Variants in PPFIA2 observed in about 807,000 individuals in gnomAD.
PPFIA2 encodes the protein liprin-alpha-2.
A neutral mutation model predicts 175.5 loss-of-function variants in PPFIA2; 46 were observed. That is an observed-to-expected ratio of 0.26 (90% CI 0.21 to 0.34). The LOEUF is 0.34. Ranked by LOEUF, PPFIA2 falls within the 10% of genes least tolerant of loss-of-function variation. The pLI is 1.00. For synonymous variants in PPFIA2, 568 were observed against 511.4 expected (o/e 1.11, Z -1.49); for missense variants, 1,179 against 1,506.1 (o/e 0.78, Z 3.60).
chr12:81,457,678 G>A (rs1395921559), intron 5 of PPFIA2, 87 bp downstream of exon 5: 4 of 704,510 alleles, frequency 5.7e-6, no homozygotes, highest in African/African-American at 1.8e-5. Flanking sequence ...GTTTTAAAAT[G>A]CATATATTTT....
intron 4 of PPFIA2, among the ~76,000 whole-genome samples, chr12:81,627,927 A>C (rs1432557240): frequency 1.3e-5 from 2 of 152,170 alleles, no homozygotes; most frequent in African/African-American, 4.8e-5. Context: ...AAAAATCTTA[A>C]ATATGAATTA....
chr12:81,360,168 C>CT (rs1389627760), intron 15 of PPFIA2, among the ~76,000 whole-genome samples: 1 of 151,966 alleles, frequency 6.6e-6, no homozygotes, highest in East Asian at 1.9e-4. Context: ...TCTCTCTCCT[C>CT]TTTTTTCCAG....
At chr12:81,750,300 G>C (rs1221578112) in intron 3 of PPFIA2, among the ~76,000 whole-genome samples, 1 of 144,004 alleles carries the variant, frequency 6.9e-6, no homozygotes, top group Admixed American at 7.4e-5. Context: ...AGAAATGTTA[G>C]GAGATGCAGC....
intron 4 of PPFIA2, among the ~76,000 whole-genome samples, chr12:81,608,574 T>C (rs1329299985): frequency 6.6e-6 from 1 of 152,130 alleles, no homozygotes; most frequent in African/African-American, 2.4e-5. Context: ...TTAAAATTTG[T>C]GTGCATAGAG....
chr12:81,300,130 C>G (rs1200978251), intron 22 of PPFIA2, among the ~76,000 whole-genome samples: 1 of 152,082 alleles, frequency 6.6e-6, no homozygotes, highest in African/African-American at 2.4e-5. Context: ...ATTTCACTGA[C>G]CCTCTTACTG....
chr12:81,669,254 C>G (rs1375005432), intron 4 of PPFIA2, among the ~76,000 whole-genome samples: 1 of 151,844 alleles, frequency 6.6e-6, no homozygotes, highest in East Asian at 1.9e-4. Context: ...CTACTATAGT[C>G]TGAAGTTCAC....
intron 4 of PPFIA2, among the ~76,000 whole-genome samples, chr12:81,630,466 AGT>A (rs2153495959): frequency 6.6e-6 from 1 of 152,332 alleles, no homozygotes; most frequent in African/African-American, 2.4e-5. Flanking sequence ...TCCCCTAAGA[AGT>A]ATATGATGAA....
At chr12:81,386,109 T>C (rs1394600893) in intron 8 of PPFIA2, among the ~76,000 whole-genome samples, 1 of 148,954 alleles carries the variant, frequency 6.7e-6, no homozygotes, top group Non-Finnish European at 1.5e-5. Flanking sequence ...GCCTCATTTC[T>C]AGAAAAAAAT....
intron 5 of PPFIA2, among the ~76,000 whole-genome samples, chr12:81,451,307 A>G (rs889886833): frequency 4.6e-5 from 7 of 151,992 alleles, no homozygotes; most frequent in African/African-American, 1.7e-4. Flanking sequence ...TCCAAATCCC[A>G]TCTTCCCAGT....
intron 25 of PPFIA2, among the ~76,000 whole-genome samples, chr12:81,283,649 G>T (rs568852988): frequency 6.6e-6 from 1 of 152,108 alleles, no homozygotes; most frequent in African/African-American, 2.4e-5. Context: ...AGTTGATAAA[G>T]ATAAAATATA....
At chr12:81,372,094 C>G (rs1195926889) in intron 11 of PPFIA2, among the ~76,000 whole-genome samples, 1 of 151,738 alleles carries the variant, frequency 6.6e-6, no homozygotes, top group East Asian at 1.9e-4. Context: ...GTTGTAAATA[C>G]AAAGATCACA....
chr12:81,533,241 C>A (rs147715387), intron 4 of PPFIA2, among the ~76,000 whole-genome samples: 1 of 151,568 alleles, frequency 6.6e-6, no homozygotes, highest in Admixed American at 6.6e-5. Context: ...GACATCACAA[C>A]GTTTTAATAT....
chr12:81,664,512 G>C, intron 4 of PPFIA2, among the ~76,000 whole-genome samples: 1 of 152,058 alleles, frequency 6.6e-6, no homozygotes, highest in Non-Finnish European at 1.5e-5. Context: ...AGTTAGAATG[G>C]TGATCATTAA....
chr12:81,597,883 T>C (rs1232855365), intron 4 of PPFIA2: 7 of 1,437,606 alleles, frequency 4.9e-6, no homozygotes, highest in Admixed American at 4.0e-5. Context: ...TTCCTTTATA[T>C]AGCACTTTGT....
chr12:81,611,149 G>C (rs989859677), intron 4 of PPFIA2, among the ~76,000 whole-genome samples: 1 of 152,120 alleles, frequency 6.6e-6, no homozygotes, highest in Non-Finnish European at 1.5e-5. Context: ...CTCGGGCCTT[G>C]TGGGGAGCCC....
intron 18 of PPFIA2, among the ~76,000 whole-genome samples, chr12:81,346,394 C>T (rs1010880868): frequency 2.6e-5 from 4 of 151,352 alleles, no homozygotes; most frequent in South Asian, 2.1e-4. Context: ...AGTTTTGCCA[C>T]GAGAATTAAA....
At chr12:81,342,259 C>A (rs983690686) in intron 19 of PPFIA2, among the ~76,000 whole-genome samples, 2 of 152,018 alleles carry the variant, frequency 1.3e-5, no homozygotes, top group African/African-American at 4.8e-5. Flanking sequence ...AACAATGCTG[C>A]ATATTTTTCA....
Position 81,522,919 on chromosome 12 carries a change from T to C in PPFIA2, c.304-65053A>G, listed in dbSNP as rs1392799186. Among the ~76,000 whole-genome samples the C allele has an allele frequency of 7.9e-5, 12 of 152,194 alleles. No homozygotes were observed. The South Asian group carries it at 8.3e-4, about 10-fold the overall frequency. ...TCTCAATAGAGGTTTTTCTAATTAGTGGACTGGGGGAATTTTCTCCCCACA... is the reference window on the plus strand; with the variant it reads ...TCTCAATAGAGGTTTTTCTAATTAGCGGACTGGGGGAATTTTCTCCCCACA... On this transcript the variant is annotated intron_variant, in intron 4 of 32. Coordinates refer to ENST00000549396, the MANE Select transcript of PPFIA2 (RefSeq NM_003625.5).
chr12:81,383,438 T>A (rs983027392), intron 9 of PPFIA2, among the ~76,000 whole-genome samples: 1 of 152,082 alleles, frequency 6.6e-6, no homozygotes, highest in African/African-American at 2.4e-5. Flanking sequence ...TCCTAGTATT[T>A]TTTTTTAGTA....
Sources: allele counts gnomAD v4.1 joint callset (sites outside exome capture counted in the v4.1 genomes callset), GRCh38; gene constraint gnomAD v4.1.1; transcripts MANE v1.5; gene names NCBI Gene and HGNC (gene_info 2026-07-23, HGNC 2026-07-21).